The following VGLL3 variants were observed in gnomAD, a reference collection of about 807,000 sequenced individuals.
VGLL3 encodes the protein transcription cofactor vestigial-like protein 3.
A neutral mutation model predicts 29.2 loss-of-function variants in VGLL3; 18 were observed. The observed-to-expected ratio is 0.62, with a 90% CI of 0.43 to 0.91. The LOEUF (loss-of-function observed/expected upper bound fraction) is 0.91, where lower values mean the gene tolerates loss of function less well. Among genes scored for constraint, VGLL3 ranks in the 40% least tolerant of loss-of-function variants. The probability of loss-of-function intolerance (pLI) is 0.00; values close to 1 mark genes in which losing one functional copy is unlikely to be tolerated. For synonymous variants in VGLL3, 180 were observed against 151.8 expected, an observed-to-expected ratio of 1.19 and a Z score of -1.36; for missense variants, 440 against 413.2, an observed-to-expected ratio of 1.06 and a Z score of -0.56.
intron 2 of VGLL3, among the ~76,000 whole-genome samples, chr3:86,972,411 A>G (rs1179920464): frequency 6.6e-6 from 1 of 152,226 alleles, no homozygotes; most frequent in African/African-American, 2.4e-5. Context: ...TTTACAATTG[A>G]AACAATATTG....
Position 86,969,003 on chromosome 3 carries a change from G to A in VGLL3, c.524C>T (p.Pro175Leu). 6.2e-7 allele frequency: 1 copy of A among 1,614,104 alleles called. No individual in the cohort carries two copies. Among genetic ancestry groups the A allele is most frequent in the Non-Finnish European group, 8.5e-7 (1 of 1,180,016 alleles). Residue 175 changes from proline (P) to leucine (L), a missense_variant, in exon 3 of 4, where the codon CCC becomes CTC. By Grantham distance (98) the Pro-to-Leu change is moderately conservative. Coordinates refer to ENST00000398399, the MANE Select transcript of VGLL3 (RefSeq NM_016206.4). Reference protein sequence around the residue: ...GVHPDFQVTGPPGTFSAADPS... With the variant: ...GVHPDFQVTGLPGTFSAADPS... ...ATCAGCTGCAGAAAAGGTGCCAGGG[G>A]GTCCAGTGACCTGGAAGTCAGGATG...
At position 86,955,761 on chromosome 3, in the gene VGLL3, A is replaced by G. The variant is rs575287970; in HGVS notation, c.938-8694T>C. Among the ~76,000 whole-genome samples the G allele has an allele frequency of 1.3e-4, 20 of 152,300 alleles. No homozygotes were observed. The South Asian group carries it at 4.1e-3, about 32-fold the overall frequency. On this transcript the variant is annotated intron_variant, in intron 3 of 3. Coordinates refer to ENST00000398399, the MANE Select transcript of VGLL3 (RefSeq NM_016206.4). ...TTTTCCAAAAGAGACTGTCCAATTCAAGTAAACATAAATAGGGCTTCAATG... is the reference window on the plus strand; with the variant it reads ...TTTTCCAAAAGAGACTGTCCAATTCGAGTAAACATAAATAGGGCTTCAATG...
At chr3:86,984,519 G>T (rs1705394720) in intron 1 of VGLL3, among the ~76,000 whole-genome samples, 1 of 152,094 alleles carries the variant, frequency 6.6e-6, no homozygotes, top group Non-Finnish European at 1.5e-5. Context: ...TTCCCAAAAT[G>T]TTTTAAGCAA....
intron 3 of VGLL3, among the ~76,000 whole-genome samples, chr3:86,949,371 T>C (rs1704567656): frequency 6.6e-6 from 1 of 152,124 alleles, no homozygotes; most frequent in Non-Finnish European, 1.5e-5. Flanking sequence ...GTATCAGATA[T>C]CTAATGGACC....
intron 1 of VGLL3, among the ~76,000 whole-genome samples, chr3:86,980,695 A>T (rs999541122): frequency 1.3e-5 from 2 of 152,160 alleles, no homozygotes; most frequent in African/African-American, 4.8e-5. Flanking sequence ...CCATTAAAAA[A>T]TTAAATGAAT....
At chr3:86,985,549 A>G (rs890185437) in intron 1 of VGLL3, among the ~76,000 whole-genome samples, 2 of 152,212 alleles carry the variant, frequency 1.3e-5, no homozygotes, top group Non-Finnish European at 2.9e-5. Context: ...GTATCCACTG[A>G]ACTATCAGTA....
chr3:86,985,376 A>G (rs1705418596), intron 1 of VGLL3, among the ~76,000 whole-genome samples: 1 of 152,208 alleles, frequency 6.6e-6, no homozygotes, highest in Non-Finnish European at 1.5e-5. Context: ...TCCTCCAATG[A>G]CAAGTGTTTT....
At chr3:86,949,826 C>CA (rs568854625) in intron 3 of VGLL3, among the ~76,000 whole-genome samples, 7,802 of 58,994 alleles carry the variant, frequency 0.13, 281 homozygotes, top group Non-Finnish European at 0.17. Flanking sequence ...GACTCCATCT[C>CA]AAAAAAAAAA....
rs1017746529 is a variant in VGLL3, at chr3:86,944,694, T to A, written c.*2330A>T. The A allele has an allele frequency of 2.1e-4, 32 of 152,190 alleles. 1 individual carries two copies. The highest frequency in any genetic ancestry group is 7.2e-4 in the African/African-American group (30 of 41,442). The allele number at this position is 152,190 out of a possible 1,614,324, so 9.4% of individuals were successfully genotyped here. On this transcript the variant is annotated 3_prime_UTR_variant, in exon 4 of 4. Transcript: ENST00000398399. ...GGGAGAACACAGAGCAAAGTCTAAATTCAGGGTGAAGACATCTAATTAATG... is the reference window on the plus strand; with the variant it reads ...GGGAGAACACAGAGCAAAGTCTAAAATCAGGGTGAAGACATCTAATTAATG...
chr3:86,973,393 G>A (rs978684678), intron 2 of VGLL3, among the ~76,000 whole-genome samples: 3 of 152,168 alleles, frequency 2.0e-5, no homozygotes, highest in Admixed American at 1.3e-4. Context: ...TGTTCTTGCT[G>A]TAATTTCATT....
intron 3 of VGLL3, among the ~76,000 whole-genome samples, chr3:86,966,320 A>C (rs533574394): frequency 6.9e-4 from 105 of 152,230 alleles, no homozygotes; most frequent in African/African-American, 2.5e-3. Context: ...ATTTAGCTGA[A>C]GGCAGTAGGA....
chr3:86,962,436 C>T lies in VGLL3; in HGVS notation c.937+6154G>A, dbSNP rs1365644019. The T allele has an allele frequency of 5.1e-6, 5 of 985,142 alleles. No homozygotes were observed. The African/African-American group carries it at 5.2e-5, about 10-fold the overall frequency. The allele number at this position is 985,142 out of a possible 1,614,324, so 61.0% of individuals were successfully genotyped here. A position where few individuals can be genotyped will look rare whatever the true frequency, so the allele number is the denominator to read the frequency against. On this transcript the variant is annotated intron_variant, in intron 3 of 3. Transcript: ENST00000398399. Reference sequence around the variant, plus strand: ...CTCACTGTCCTCACCACCACTCAGCCCTTCGGAAAAAATGGACCACCTTAC... The same window carrying T: ...CTCACTGTCCTCACCACCACTCAGCTCTTCGGAAAAAATGGACCACCTTAC...
chr3:86,966,192 G>A (rs1439218866), intron 3 of VGLL3, among the ~76,000 whole-genome samples: 4 of 151,936 alleles, frequency 2.6e-5, no homozygotes, highest in Non-Finnish European at 5.9e-5. Context: ...AGACAAATCT[G>A]AGCAATCATC....
At chr3:86,968,502 A>G in intron 3 of VGLL3, 88 bp downstream of exon 3, 2 of 1,426,800 alleles carry the variant, frequency 1.4e-6, no homozygotes, top group South Asian at 2.9e-5. Flanking sequence ...AACTTTACAG[A>G]TAAGAAAAAA....
intron 1 of VGLL3, among the ~76,000 whole-genome samples, chr3:86,986,667 T>C (rs56077607): frequency 0.088 from 13,324 of 152,242 alleles, 1,580 homozygotes; most frequent in African/African-American, 0.27. Context: ...GAAACTACTT[T>C]GGTTATAACT....
At chr3:86,956,513 G>A (rs550768052) in intron 3 of VGLL3, among the ~76,000 whole-genome samples, 5 of 152,266 alleles carry the variant, frequency 3.3e-5, no homozygotes, top group African/African-American at 9.6e-5. Context: ...TTGGCCTGGC[G>A]CAGTGGCTCA....
intron 2 of VGLL3, among the ~76,000 whole-genome samples, chr3:86,969,879 A>T (rs1231609931): frequency 6.6e-6 from 1 of 152,040 alleles, no homozygotes; most frequent in Non-Finnish European, 1.5e-5. Flanking sequence ...TATTCCCATG[A>T]TGAGAAAATC....
At chr3:86,986,852 A>G (rs1029447000) in intron 1 of VGLL3, among the ~76,000 whole-genome samples, 1 of 152,212 alleles carries the variant, frequency 6.6e-6, no homozygotes, top group African/African-American at 2.4e-5. Context: ...AGTCATTAGC[A>G]TAATCCAAAT....
chr3:86,943,966 T>G lies in VGLL3; in HGVS notation c.*3058A>C, dbSNP rs1368370401. On this transcript the variant is annotated 3_prime_UTR_variant, in exon 4 of 4. Coordinates refer to ENST00000398399, the MANE Select transcript of VGLL3 (RefSeq NM_016206.4). ...AAAGGTGGAGTGGTTTTAATAAAATTGTGGAGGCAGATAGTAGCCCTCAAT... is the reference window on the plus strand; with the variant it reads ...AAAGGTGGAGTGGTTTTAATAAAATGGTGGAGGCAGATAGTAGCCCTCAAT... 1.3e-5 allele frequency: 2 copies of G among 152,118 alleles called. No individual in the cohort carries two copies. The highest frequency in any genetic ancestry group is 1.5e-5 in the Non-Finnish European group (1 of 68,004). The allele number at this position is 152,118 out of a possible 1,614,324, so 9.4% of individuals were successfully genotyped here.
Sources: gnomAD v4.1 joint callset for allele counts (sites outside exome capture counted in the v4.1 genomes callset) on GRCh38, gnomAD v4.1.1 for gene constraint, MANE v1.5 for transcripts, NCBI Gene and HGNC (gene_info 2026-07-23, HGNC 2026-07-21) for gene names.